Variants in TTC28 observed in about 807,000 individuals in gnomAD.
The protein encoded by TTC28 is tetratricopeptide repeat domain 28.
In TTC28, 61 loss-of-function variants were observed where a neutral mutation model predicts 198.0. That is an observed-to-expected ratio of 0.31 (90% CI 0.25 to 0.38). TTC28 has a LOEUF of 0.38. TTC28 is among the 10% of genes least tolerant of loss of function. TTC28 has a pLI of 1.00. For missense variants in TTC28, 2,678 were observed against 3,164.0 expected (o/e 0.85, Z 3.69); for synonymous variants, 1,171 against 1,297.8 (o/e 0.90, Z 2.10).
chr22:28,378,813 G>A (rs1447163440), intron 2 of TTC28, among the ~76,000 whole-genome samples: 1 of 152,112 alleles, frequency 6.6e-6, no homozygotes, highest in African/African-American at 2.4e-5. Context: ...AGTTCAAGCA[G>A]CCGAATATAC....
At chr22:28,391,822 G>C (rs2046726572) in intron 2 of TTC28, among the ~76,000 whole-genome samples, 1 of 152,202 alleles carries the variant, frequency 6.6e-6, no homozygotes. Flanking sequence ...TTGATCGTCT[G>C]AAGCCTTCTT....
intron 6 of TTC28, among the ~76,000 whole-genome samples, chr22:28,129,593 T>A (rs1008332259): frequency 1.3e-5 from 2 of 152,172 alleles, no homozygotes; most frequent in African/African-American, 4.8e-5. Flanking sequence ...ATTACCTCCC[T>A]CACGAGGTGT....
At chr22:28,604,490 T>A (rs1242180393) in intron 2 of TTC28, among the ~76,000 whole-genome samples, 4 of 151,780 alleles carry the variant, frequency 2.6e-5, no homozygotes, top group African/African-American at 9.7e-5. Flanking sequence ...ACGCCTGTAA[T>A]CCCAGCACTT....
intron 5 of TTC28, among the ~76,000 whole-genome samples, chr22:28,168,688 CTTAAATG>C (rs1170180639): frequency 3.3e-5 from 5 of 152,318 alleles, no homozygotes; most frequent in South Asian, 2.1e-4. Context: ...GGATTAAAGA[CTTAAATG>C]TTAGACCTAT....
chr22:28,293,799 G>T (rs1235589898), intron 5 of TTC28, among the ~76,000 whole-genome samples: 1 of 152,098 alleles, frequency 6.6e-6, no homozygotes, highest in Non-Finnish European at 1.5e-5. Context: ...TAGGAAAAGG[G>T]GAAATTCCAT....
intron 9 of TTC28, 143 bp from the exon 10 acceptor site, chr22:28,099,187 G>T: frequency 8.4e-7 from 1 of 1,189,566 alleles, no homozygotes. Flanking sequence ...TGATGTCCAG[G>T]TGTAAGGAAA....
intron 12 of TTC28, among the ~76,000 whole-genome samples, chr22:28,088,494 C>A (rs1320689804): frequency 6.6e-6 from 1 of 151,564 alleles, no homozygotes; most frequent in African/African-American, 2.4e-5. Flanking sequence ...CTTCCTTACA[C>A]CTTATACAAA....
rs1195745157 is a variant in TTC28, at chr22:28,001,771, C to T, written c.4219-218G>A. On this transcript the variant is annotated intron_variant, in intron 14 of 22. Coordinates refer to ENST00000397906, the MANE Select transcript of TTC28 (RefSeq NM_001145418.2). ...GGACTGGCAAGGGCTGGCCTGGCAGCATCCATCTGCCTCACAGTCCTGAGA... is the reference window on the plus strand; with the variant it reads ...GGACTGGCAAGGGCTGGCCTGGCAGTATCCATCTGCCTCACAGTCCTGAGA... The T allele has an allele frequency of 1.2e-5, 7 of 582,390 alleles. No individual in the cohort carries two copies. The African/African-American group carries it at 1.3e-4, about 11-fold the overall frequency. 36.1% of individuals were successfully genotyped at this position (582,390 alleles called of 1,614,324 possible). A position where few individuals can be genotyped will look rare whatever the true frequency, so the allele number is the denominator to read the frequency against.
intron 1 of TTC28, among the ~76,000 whole-genome samples, chr22:28,632,840 AGTAGGCTGGGCTCAGTG>A (rs1010313972): frequency 6.6e-6 from 1 of 151,814 alleles, no homozygotes; most frequent in African/African-American, 2.4e-5. Context: ...AGAATTGCAG[AGTAGGCTGGGCTCAGTG>A]GTTCATCCCT....
At chr22:28,544,634 G>A (rs781273057) in intron 2 of TTC28, among the ~76,000 whole-genome samples, 5 of 152,090 alleles carry the variant, frequency 3.3e-5, no homozygotes, top group South Asian at 2.1e-4. Flanking sequence ...CACAAGACAC[G>A]GATCACAAAG....
intron 5 of TTC28, among the ~76,000 whole-genome samples, chr22:28,226,398 T>C (rs1046763628): frequency 6.6e-6 from 1 of 152,152 alleles, no homozygotes; most frequent in Non-Finnish European, 1.5e-5. Context: ...ACTATTGATG[T>C]TGAGCTTTTT....
intron 2 of TTC28, among the ~76,000 whole-genome samples, chr22:28,603,248 G>T (rs1271889028): frequency 6.6e-6 from 1 of 151,738 alleles, no homozygotes; most frequent in African/African-American, 2.4e-5. Flanking sequence ...CATTTGGAAA[G>T]AAATGGGAGA....
intron 6 of TTC28, among the ~76,000 whole-genome samples, chr22:28,129,951 C>T (rs1204599051): frequency 1.3e-5 from 2 of 152,144 alleles, no homozygotes; most frequent in Non-Finnish European, 2.9e-5. Context: ...CCATGGGCCA[C>T]ACTTTGAGTA....
rs1230596620 is a variant in TTC28 at position 28,294,419 on chromosome 22, A to G, written c.933+1779T>C. On this transcript the variant is annotated intron_variant, in intron 5 of 22. Coordinates refer to ENST00000397906, the MANE Select transcript of TTC28 (RefSeq NM_001145418.2). ...GTTTAACATCTATAATATAACATCT[A>G]TGATATCATAGAGAATGTCCTACAA... Among the ~76,000 whole-genome samples, 4 of 152,198 alleles carry G rather than the reference A, an allele frequency of 2.6e-5. No individual in the cohort carries two copies. The South Asian group carries it at 8.3e-4, about 32-fold the overall frequency.
intron 2 of TTC28, among the ~76,000 whole-genome samples, chr22:28,504,419 T>C (rs1222841428): frequency 2.0e-5 from 3 of 152,158 alleles, no homozygotes; most frequent in Non-Finnish European, 4.4e-5. Context: ...TATACACATA[T>C]ATACATACAT....
intron 2 of TTC28, among the ~76,000 whole-genome samples, chr22:28,379,387 T>C (rs2046462015): frequency 6.6e-6 from 1 of 152,128 alleles, no homozygotes; most frequent in Non-Finnish European, 1.5e-5. Flanking sequence ...AAGTTTCTAT[T>C]GAAGAATACA....
intron 2 of TTC28, among the ~76,000 whole-genome samples, chr22:28,548,918 G>A (rs553858742): frequency 1.3e-5 from 2 of 152,192 alleles, no homozygotes; most frequent in Admixed American, 1.3e-4. Context: ...GACTTCACCT[G>A]ACTTTACCAC....
At chr22:28,462,394 T>C (rs2047962439) in intron 2 of TTC28, among the ~76,000 whole-genome samples, 2 of 152,236 alleles carry the variant, frequency 1.3e-5, no homozygotes, top group African/African-American at 2.4e-5. Flanking sequence ...GTCTAGGTCC[T>C]AAAAGAAAGA....
chr22:28,231,937 C>T (rs1174848439), intron 5 of TTC28, among the ~76,000 whole-genome samples: 1 of 152,174 alleles, frequency 6.6e-6, no homozygotes, highest in Non-Finnish European at 1.5e-5. Context: ...GACTTACACA[C>T]CTAGGGGCCA....
Sources: gnomAD v4.1 joint callset for allele counts (sites outside exome capture counted in the v4.1 genomes callset) on GRCh38, gnomAD v4.1.1 for gene constraint, MANE v1.5 for transcripts, NCBI Gene and HGNC (gene_info 2026-07-23, HGNC 2026-07-21) for gene names.